The following FHIT variants were observed in gnomAD, a reference collection of about 807,000 sequenced individuals.
FHIT encodes the protein fragile histidine triad diadenosine triphosphatase.
Under a neutral mutation model 17.9 loss-of-function variants are expected in FHIT, and 19 were observed. That is an observed-to-expected ratio of 1.06 (90% CI 0.74 to 1.56). The LOEUF (loss-of-function observed/expected upper bound fraction) is 1.56, where lower values mean the gene tolerates loss of function less well. FHIT is among the 40% of genes most tolerant of loss of function. FHIT has a pLI of 0.00. For synonymous variants in FHIT, 81 were observed against 69.7 expected, an observed-to-expected ratio of 1.16 and a Z score of -0.81; for missense variants, 248 against 189.2, an observed-to-expected ratio of 1.31 and a Z score of -1.82.
At position 60,795,207 on chromosome 3, in the gene FHIT, T is replaced by C. The variant is rs1575534443; in HGVS notation, c.-18+26712A>G. Among the ~76,000 whole-genome samples, 3 of 152,358 alleles carry C rather than the reference T, an allele frequency of 2.0e-5. No individual in the cohort carries two copies. The South Asian group carries it at 6.2e-4, about 32-fold the overall frequency. On this transcript the variant is annotated intron_variant, in intron 4 of 9. Transcript: ENST00000492590. ...ACTTCACAGTATTCCATTATGCAGA[T>C]ATAAAATTAATTTTACCAGTTTTCA...
At chr3:59,991,194 A>C (rs1709217560) in intron 7 of FHIT, among the ~76,000 whole-genome samples, 1 of 152,078 alleles carries the variant, frequency 6.6e-6, no homozygotes, top group South Asian at 2.1e-4. Context: ...TAATGAATGG[A>C]TTAATGACAT....
chr3:60,279,617 A>G (rs545175370), intron 5 of FHIT, among the ~76,000 whole-genome samples: 2 of 152,316 alleles, frequency 1.3e-5, no homozygotes, highest in East Asian at 3.9e-4. Context: ...CATTAAAAGA[A>G]AGAAAAACTA....
chr3:59,997,496 G>A (rs535599690), intron 7 of FHIT, among the ~76,000 whole-genome samples: 1 of 152,222 alleles, frequency 6.6e-6, no homozygotes, highest in East Asian at 1.9e-4. Flanking sequence ...CGTTGCTGGA[G>A]GAATTTGAAA....
intron 4 of FHIT, among the ~76,000 whole-genome samples, chr3:60,565,018 A>T (rs1477768756): frequency 2.0e-5 from 3 of 152,184 alleles, no homozygotes; most frequent in Non-Finnish European, 4.4e-5. Context: ...AAATCGCCAC[A>T]ACCACCCAAC....
chr3:60,174,732 A>G (rs1268955351), intron 5 of FHIT, among the ~76,000 whole-genome samples: 1 of 152,164 alleles, frequency 6.6e-6, no homozygotes, highest in Non-Finnish European at 1.5e-5. Context: ...ATCAATTCAT[A>G]ATATTGCACA....
intron 5 of FHIT, among the ~76,000 whole-genome samples, chr3:60,083,424 C>T (rs1254290265): frequency 6.6e-6 from 1 of 152,052 alleles, no homozygotes; most frequent in Non-Finnish European, 1.5e-5. Context: ...CTTAGGATTG[C>T]TTTGGCTACT....
intron 5 of FHIT, among the ~76,000 whole-genome samples, chr3:60,371,965 T>C (rs940534115): frequency 1.3e-5 from 2 of 151,920 alleles, no homozygotes; most frequent in African/African-American, 4.8e-5. Flanking sequence ...TATGTAAAAA[T>C]TGGCACGGTC....
chr3:60,293,328 C>T (rs1024179044), intron 5 of FHIT, among the ~76,000 whole-genome samples: 3 of 152,018 alleles, frequency 2.0e-5, no homozygotes, highest in Non-Finnish European at 4.4e-5. Context: ...TCCCAAAAAT[C>T]TCAAGTCAAA....
intron 5 of FHIT, among the ~76,000 whole-genome samples, chr3:60,126,547 G>C (rs1705560048): frequency 6.6e-6 from 1 of 152,144 alleles, no homozygotes; most frequent in African/African-American, 2.4e-5. Context: ...TTGTATACCT[G>C]AGGTTGCTAT....
At chr3:59,758,600 C>T (rs1701340209) in intron 8 of FHIT, among the ~76,000 whole-genome samples, 1 of 152,132 alleles carries the variant, frequency 6.6e-6, no homozygotes. Context: ...AAGGCATCAA[C>T]AACACCTCTA....
chr3:61,104,879 A>G (rs1168789248), intron 2 of FHIT, among the ~76,000 whole-genome samples: 4 of 152,078 alleles, frequency 2.6e-5, no homozygotes, highest in African/African-American at 9.7e-5. Context: ...TTGTGATTGC[A>G]TTATGAAATT....
intron 7 of FHIT, among the ~76,000 whole-genome samples, chr3:59,980,978 T>C (rs530455482): frequency 6.6e-6 from 1 of 152,284 alleles, no homozygotes; most frequent in African/African-American, 2.4e-5. Flanking sequence ...TTAGTTTCTC[T>C]TGACAACCTT....
At chr3:60,212,424 G>A (rs941833795) in intron 5 of FHIT, among the ~76,000 whole-genome samples, 5 of 152,134 alleles carry the variant, frequency 3.3e-5, no homozygotes, top group African/African-American at 1.2e-4. Flanking sequence ...CATGACAGCA[G>A]ACCTCAAAGC....
At chr3:60,492,804 T>C (rs1372926996) in intron 5 of FHIT, among the ~76,000 whole-genome samples, 2 of 152,300 alleles carry the variant, frequency 1.3e-5, no homozygotes, top group East Asian at 1.9e-4. Context: ...TATAGCCTTA[T>C]AGGACATTAC....
At chr3:60,294,745 T>C (rs1026270094) in intron 5 of FHIT, among the ~76,000 whole-genome samples, 2 of 152,156 alleles carry the variant, frequency 1.3e-5, no homozygotes, top group African/African-American at 4.8e-5. Flanking sequence ...TCTCCATTTC[T>C]ATACTTTTGT....
chr3:61,225,215 C>T (rs960229271), intron 1 of FHIT, among the ~76,000 whole-genome samples: 1 of 152,156 alleles, frequency 6.6e-6, no homozygotes, highest in African/African-American at 2.4e-5. Context: ...CATTTTCAGA[C>T]CACCAGATGC....
intron 7 of FHIT, among the ~76,000 whole-genome samples, chr3:59,924,998 TTG>T (rs1705582632): frequency 6.7e-6 from 1 of 150,254 alleles, no homozygotes; most frequent in Non-Finnish European, 1.5e-5. Flanking sequence ...TGTAGACTCT[TTG>T]TCTCTTTTCT....
At chr3:60,359,990 T>A (rs1034405743) in intron 5 of FHIT, among the ~76,000 whole-genome samples, 1 of 148,676 alleles carries the variant, frequency 6.7e-6, no homozygotes, top group African/African-American at 2.4e-5. Flanking sequence ...ACTTTTTTTT[T>A]TTTTTTCTTT....
chr3:60,504,443 A>AT lies in FHIT; in HGVS notation c.103+32416dup, dbSNP rs1553636350. ...GAGACCCCGTCTCAAAAAAAAAAAA[A>AT]TTTTTTTTTTGGTTCAACAAAGCTG... On this transcript the variant is annotated intron_variant, in intron 5 of 9. Transcript: ENST00000492590. 2.7e-4 allele frequency among the ~76,000 whole-genome samples: 38 copies of AT among 140,394 alleles called. No homozygotes were observed. The East Asian group carries it at 4.5e-3, about 17-fold the overall frequency. 92.1% of individuals were successfully genotyped at this position (140,394 alleles called of 152,430 possible).
Sources: gnomAD v4.1 joint callset for allele counts (sites outside exome capture counted in the v4.1 genomes callset) on GRCh38, gnomAD v4.1.1 for gene constraint, MANE v1.5 for transcripts, NCBI Gene and HGNC (gene_info 2026-07-23, HGNC 2026-07-21) for gene names.